The following DEUP1 variants were observed in gnomAD, a reference collection of about 807,000 sequenced individuals.
DEUP1 encodes the protein deuterosome assembly protein 1, also known as coiled-coil domain containing 67.
DEUP1 carries 82 observed loss-of-function variants against 87.4 expected under a neutral mutation model. That is an observed-to-expected ratio of 0.94 (90% CI 0.78 to 1.13). The LOEUF is 1.13. DEUP1 is among the 50% of genes most tolerant of loss of function. DEUP1 has a pLI of 0.00. For missense variants in DEUP1, 663 were observed against 681.5 expected (o/e 0.97, Z 0.30); for synonymous variants, 214 against 222.7 (o/e 0.96, Z 0.35).
chr11:93,405,994 G>A (rs1947265073), intron 11 of DEUP1, among the ~76,000 whole-genome samples: 1 of 151,968 alleles, frequency 6.6e-6, no homozygotes, highest in Non-Finnish European at 1.5e-5. Flanking sequence ...ATTCGAATCT[G>A]AGGAGTAGAA....
intron 4 of DEUP1, 92 bp downstream of exon 4, chr11:93,357,135 A>G (rs1320089886): frequency 2.7e-6 from 2 of 738,882 alleles, no homozygotes; most frequent in Non-Finnish European, 4.4e-6. Flanking sequence ...TTTTCAGTAT[A>G]AACAAATGTC....
chr11:93,355,502 T>C lies in DEUP1; in HGVS notation c.161T>C (p.Leu54Ser), dbSNP rs1388740551. 1.2e-6 allele frequency: 2 copies of C among 1,613,806 alleles called. No homozygotes were observed. Among genetic ancestry groups the C allele is most frequent in the South Asian group, 1.1e-5 (1 of 91,066 alleles). Residue 54 changes from leucine to serine, a missense_variant, in exon 3 of 14, where the codon TTG becomes TCG. Physicochemically the swap from Leu to Ser is moderately radical, Grantham distance 145. Transcript: ENST00000298050. ...CGATTAGATCTTCGGGATCAAGAAT[T>C]GGCAAATGCACAAACTTGTTTGGAT... ...ETRLDLRDQE[L>S]ANAQTCLDQK... is the part of the protein sequence containing the mutation.
chr11:93,398,184 T>C (rs182680889), intron 11 of DEUP1, among the ~76,000 whole-genome samples: 193 of 152,356 alleles, frequency 1.3e-3, no homozygotes, highest in African/African-American at 4.4e-3. Context: ...CTCTGTGTCC[T>C]GTTTTTGTTC....
chr11:93,414,861 A>G (rs1292011409), intron 12 of DEUP1, 139 bp from the exon 13 acceptor site: 1 of 425,692 alleles, frequency 2.3e-6, no homozygotes, highest in East Asian at 3.5e-5. Context: ...GTCATATTCA[A>G]AGAAACACCC....
In DEUP1 at chr11:93,371,924, T is replaced by C. The variant is rs1945747877; in HGVS notation, c.789+644T>C. ...TCATTACCAATTTCTTTACAAAATA[T>C]GTATTTCTTTTTTTTTTTTTTTGAG... On this transcript the variant is annotated intron_variant, in intron 7 of 13. Transcript: ENST00000298050. Among the ~76,000 whole-genome samples, 3 of 149,880 alleles carry C rather than the reference T, an allele frequency of 2.0e-5. No homozygotes were observed. The South Asian group carries it at 6.5e-4, about 32-fold the overall frequency.
At chr11:93,332,626 G>A (rs1591063795) in intron 2 of DEUP1, among the ~76,000 whole-genome samples, 1 of 152,074 alleles carries the variant, frequency 6.6e-6, no homozygotes, top group East Asian at 1.9e-4. Flanking sequence ...TTGCCGCATT[G>A]AGTATCTCAA....
intron 11 of DEUP1, among the ~76,000 whole-genome samples, chr11:93,405,422 G>C (rs1947241623): frequency 6.6e-6 from 1 of 151,984 alleles, no homozygotes; most frequent in Non-Finnish European, 1.5e-5. Context: ...TTAATAAGCA[G>C]AGAAATACCT....
At chr11:93,383,621 T>C in intron 7 of DEUP1, 1 of 669,668 alleles carries the variant, frequency 1.5e-6, no homozygotes, top group Non-Finnish European at 2.7e-6. Context: ...GTATGTGGAT[T>C]ATATTTCAAT....
chr11:93,343,914 G>T (rs1944200273), intron 2 of DEUP1, among the ~76,000 whole-genome samples: 2 of 152,132 alleles, frequency 1.3e-5, no homozygotes, highest in South Asian at 2.1e-4. Context: ...TGAGGGAAAT[G>T]AATGGATTGA....
chr11:93,355,724 C>A (rs1007258812), intron 3 of DEUP1, among the ~76,000 whole-genome samples, 182 bp downstream of exon 3: 1 of 152,104 alleles, frequency 6.6e-6, no homozygotes, highest in Admixed American at 6.6e-5. Flanking sequence ...AAATCAGAAC[C>A]TAAATCCATA....
chr11:93,345,131 T>C (rs1046278956), intron 2 of DEUP1, among the ~76,000 whole-genome samples: 6 of 152,210 alleles, frequency 3.9e-5, no homozygotes, highest in African/African-American at 1.4e-4. Context: ...GTTCCTTTGC[T>C]GGTCTACTAA....
chr11:93,403,815 T>C (rs1419474532), intron 11 of DEUP1, among the ~76,000 whole-genome samples: 1 of 151,912 alleles, frequency 6.6e-6, no homozygotes, highest in East Asian at 1.9e-4. Flanking sequence ...AAAAAATCCA[T>C]AATTAGTTAA....
chr11:93,375,170 G>A (rs12277362), intron 7 of DEUP1, among the ~76,000 whole-genome samples: 36,812 of 151,528 alleles, frequency 0.24, 4,791 homozygotes, highest in South Asian at 0.38. Flanking sequence ...GAATTCATTT[G>A]TCAGTTCTAG....
At chr11:93,372,530 A>G (rs543658168) in intron 7 of DEUP1, among the ~76,000 whole-genome samples, 3 of 152,074 alleles carry the variant, frequency 2.0e-5, no homozygotes, top group Admixed American at 1.3e-4. Context: ...GTGCCACATC[A>G]TATTTGGGAT....
intron 8 of DEUP1, among the ~76,000 whole-genome samples, chr11:93,385,834 T>C (rs1946517447): frequency 1.3e-5 from 2 of 152,046 alleles, no homozygotes; most frequent in South Asian, 2.1e-4. Context: ...GGAGGACAAT[T>C]TGAGCCCAGG....
chr11:93,353,342 G>T (rs1944722992), intron 2 of DEUP1, among the ~76,000 whole-genome samples: 1 of 152,204 alleles, frequency 6.6e-6, no homozygotes, highest in Non-Finnish European at 1.5e-5. Flanking sequence ...CTCTGCCCCT[G>T]TGGCTTTGCA....
intron 13 of DEUP1, among the ~76,000 whole-genome samples, chr11:93,429,499 A>G (rs1308150948): frequency 6.6e-6 from 1 of 152,144 alleles, no homozygotes; most frequent in Non-Finnish European, 1.5e-5. Flanking sequence ...GATTTTTAGG[A>G]TCACAATTAG....
chr11:93,417,103 C>T (rs1324018954), intron 13 of DEUP1, among the ~76,000 whole-genome samples: 215 of 146,662 alleles, frequency 1.5e-3, no homozygotes, highest in African/African-American at 5.2e-3. Flanking sequence ...GGAAGCATTC[C>T]CTTTGAAAAC....
Position 93,364,184 on chromosome 11 carries a change from G to A in DEUP1, c.322G>A (p.Glu108Lys). The A allele has an allele frequency of 1.3e-6, 2 of 1,595,440 alleles. No individual in the cohort carries two copies. The highest frequency in any genetic ancestry group is 1.7e-6 in the Non-Finnish European group (2 of 1,166,538). The change falls in exon 5 of 14, where the codon GAA becomes AAA. Residue 108 changes from glutamate to lysine, a missense_variant. Transcript: ENST00000298050. ...GTTTTCCAAACTAACAAATAACTTT[G>A]AAAAACTGAGATTACATCAGATGAA... ...AQFSKLTNNF[E>K]KLRLHQMKQN...
Sources: gnomAD v4.1 joint callset for allele counts (sites outside exome capture counted in the v4.1 genomes callset) on GRCh38, gnomAD v4.1.1 for gene constraint, MANE v1.5 for transcripts, NCBI Gene and HGNC (gene_info 2026-07-23, HGNC 2026-07-21) for gene names.